KIAA0825: variants seen among roughly 807,000 people sequenced by gnomAD.
The protein encoded by KIAA0825 is uncharacterized protein KIAA0825.
A neutral mutation model predicts 147.6 loss-of-function variants in KIAA0825; 119 were observed. That is an observed-to-expected ratio of 0.81 (90% CI 0.69 to 0.94). The LOEUF (loss-of-function observed/expected upper bound fraction) is 0.94, where lower values mean the gene tolerates loss of function less well. KIAA0825 is among the 40% of genes least tolerant of loss of function. The probability of loss-of-function intolerance (pLI) is 0.00; values close to 1 mark genes in which losing one functional copy is unlikely to be tolerated. For missense variants in KIAA0825, 1,381 were observed against 1,472.7 expected (o/e 0.94, Z 1.02); for synonymous variants, 470 against 518.1 (o/e 0.91, Z 1.26).
chr5:94,439,051 TG>T (rs1412819419), intron 14 of KIAA0825, among the ~76,000 whole-genome samples: 1 of 152,042 alleles, frequency 6.6e-6, no homozygotes, highest in Non-Finnish European at 1.5e-5. Context: ...GAAAGATAGG[TG>T]AGCCAAGGTG....
Position 94,470,050 on chromosome 5 carries a change from C to A in KIAA0825, c.1783G>T (p.Val595Phe). Reference sequence around the variant, plus strand: ...CAAACTCTGACGCAGTAGTTCGTAACCTGAAACTGTAGAGTGTTGATGAAT... The same window carrying A: ...CAAACTCTGACGCAGTAGTTCGTAAACTGAAACTGTAGAGTGTTGATGAAT... ...QEFINTLQFQ[V>F]TNYCVRVCAT... Residue 595 changes from valine to phenylalanine, a missense_variant, in exon 10 of 21, where the codon GTT becomes TTT. By Grantham distance (50) the Val-to-Phe change is conservative. Transcript: ENST00000682413. 1 of 1,551,638 alleles carries A rather than the reference C, an allele frequency of 6.4e-7. No individual in the cohort carries two copies. Among genetic ancestry groups the A allele is most frequent in the Non-Finnish European group, 8.7e-7 (1 of 1,146,962 alleles).
rs1176429699 is a variant in KIAA0825 at position 94,565,095 on chromosome 5, C to CTTTTTTTTTTTTTTTTTTTTTTTTTTTTT, written c.-2+17337_-2+17338insAAAAAAAAAAAAAAAAAAAAAAAAAAAAA. Among the ~76,000 whole-genome samples, 17 of 52,924 alleles carry CTTTTTTTTTTTTTTTTTTTTTTTTTTTTT rather than the reference C, an allele frequency of 3.2e-4. 2 individuals carry two copies. Among genetic ancestry groups the CTTTTTTTTTTTTTTTTTTTTTTTTTTTTT allele is most frequent in the South Asian group, 6.4e-4 (1 of 1,566 alleles). 34.7% of individuals were successfully genotyped at this position (52,924 alleles called of 152,430 possible). On this transcript the variant is annotated intron_variant, in intron 2 of 20. Coordinates refer to ENST00000682413, the MANE Select transcript of KIAA0825 (RefSeq NM_001145678.3). ...CTCTTTCTCTCTCTTTCTTGCTTTC[C>CTTTTTTTTTTTTTTTTTTTTTTTTTTTTT]TTTTTTTTTTTTTTTTTTGGTAGAG...
At chr5:94,573,830 T>C (rs1780440894) in intron 2 of KIAA0825, among the ~76,000 whole-genome samples, 1 of 152,208 alleles carries the variant, frequency 6.6e-6, no homozygotes, top group South Asian at 2.1e-4. Flanking sequence ...TTTCTTTTCT[T>C]GTAATGTTAT....
intron 1 of KIAA0825, among the ~76,000 whole-genome samples, chr5:94,596,554 T>C (rs990670449): frequency 3.9e-5 from 6 of 152,218 alleles, no homozygotes; most frequent in African/African-American, 1.4e-4. Context: ...TTGCCTTGGC[T>C]ATTTGGGCTC....
intron 10 of KIAA0825, 61 bp from the exon 11 acceptor site, chr5:94,465,120 C>G (rs1406641708): frequency 1.4e-6 from 2 of 1,457,102 alleles, no homozygotes; most frequent in Non-Finnish European, 1.9e-6. Context: ...CGATTTGCTT[C>G]CTATGAACGT....
At chr5:94,197,071 T>C (rs1260494659) in intron 20 of KIAA0825, among the ~76,000 whole-genome samples, 1 of 152,234 alleles carries the variant, frequency 6.6e-6, no homozygotes, top group Non-Finnish European at 1.5e-5. Flanking sequence ...CTGAACTAAT[T>C]TACATCCCCA....
At chr5:94,177,946 CAAAT>C (rs1331244708) in intron 20 of KIAA0825, among the ~76,000 whole-genome samples, 3 of 151,936 alleles carry the variant, frequency 2.0e-5, no homozygotes, top group African/African-American at 4.8e-5. Flanking sequence ...GACAAGTAAT[CAAAT>C]GAATGAATTA....
At chr5:94,412,493 T>A (rs1752894286) in intron 15 of KIAA0825, among the ~76,000 whole-genome samples, 1 of 151,874 alleles carries the variant, frequency 6.6e-6, no homozygotes, top group Admixed American at 6.6e-5. Context: ...CTCCACCTCC[T>A]GGGTTCAAGT....
intron 3 of KIAA0825, among the ~76,000 whole-genome samples, chr5:94,532,019 C>T (rs1408833655): frequency 6.6e-6 from 1 of 151,932 alleles, no homozygotes; most frequent in African/African-American, 2.4e-5. Context: ...TATGGAAGCT[C>T]AAAAAATTTA....
At chr5:94,456,326 A>G (rs1759105787) in intron 12 of KIAA0825, among the ~76,000 whole-genome samples, 1 of 152,140 alleles carries the variant, frequency 6.6e-6, no homozygotes, top group South Asian at 2.1e-4. Flanking sequence ...GTAGCTCCAT[A>G]GATTGCTCTA....
intron 20 of KIAA0825, among the ~76,000 whole-genome samples, chr5:94,304,413 G>T (rs527481834): frequency 2.6e-5 from 4 of 152,004 alleles, no homozygotes; most frequent in Non-Finnish European, 4.4e-5. Context: ...CGGCAGGTGA[G>T]GGGGGGTGAC....
rs1562283972 is a variant in KIAA0825 at position 94,152,845 on chromosome 5, AAAAAAAAAAATTATATATATAT to A, written c.*1140_*1161del. 9.0e-4 allele frequency: 32 copies of A among 35,398 alleles called. No individual in the cohort carries two copies. Among genetic ancestry groups the A allele is most frequent in the African/African-American group, 2.7e-3 (27 of 9,888 alleles). The allele number at this position is 35,398 out of a possible 1,614,324, so 2.2% of individuals were successfully genotyped here. ...TGAAAAAAAAAAAAAAAAAAAAAAA[AAAAAAAAAAATTATATATATAT>A]ATATATATATATATATATATATATA... On this transcript the variant is annotated 3_prime_UTR_variant, in exon 21 of 21. Transcript: ENST00000682413.
chr5:94,162,331 A>G (rs1308035963), intron 20 of KIAA0825, among the ~76,000 whole-genome samples: 1 of 151,998 alleles, frequency 6.6e-6, no homozygotes, highest in Non-Finnish European at 1.5e-5. Context: ...TCATGGTCTC[A>G]CTCTGTTGCC....
Position 94,520,689 on chromosome 5 carries a change from G to C in KIAA0825, c.529C>G (p.Gln177Glu), listed in dbSNP as rs75956029. 1 of 1,613,208 alleles carries C rather than the reference G, an allele frequency of 6.2e-7. No individual in the cohort carries two copies. The highest frequency in any genetic ancestry group is 1.7e-5 in the Admixed American group (1 of 59,910). ...GAATTGTTTATTTCATTATGGCTTT[G>C]TAATTTGCTCACTAAGAAGCGTCGA... ...HLRRFLVSKL[Q>E]SHNEINNSQQ... Residue 177 changes from glutamine (Q) to glutamate (E), a missense_variant, in exon 5 of 21, where the codon CAA (glutamine) becomes GAA (glutamate). Transcript: ENST00000682413.
chr5:94,266,928 T>TC (rs1464228241), intron 20 of KIAA0825, among the ~76,000 whole-genome samples: 1 of 152,164 alleles, frequency 6.6e-6, no homozygotes, highest in Non-Finnish European at 1.5e-5. Flanking sequence ...CCTTAGTCCT[T>TC]AGGGCCAAAA....
chr5:94,498,997 T>C (rs1251762162), intron 5 of KIAA0825, among the ~76,000 whole-genome samples: 1 of 152,236 alleles, frequency 6.6e-6, no homozygotes, highest in Non-Finnish European at 1.5e-5. Flanking sequence ...CCATATTGCT[T>C]TGTGGGTTCA....
chr5:94,470,821 G>T (rs1761125890), intron 9 of KIAA0825, among the ~76,000 whole-genome samples: 1 of 152,020 alleles, frequency 6.6e-6, no homozygotes, highest in African/African-American at 2.4e-5. Flanking sequence ...GGTCACACAG[G>T]ACTGCTAAGT....
chr5:94,471,753 A>C, intron 8 of KIAA0825, 22 bp from the exon 9 acceptor site: 1 of 1,550,554 alleles, frequency 6.4e-7, no homozygotes. Context: ...TAAATGTGGC[A>C]CTGAGTTATT....
intron 20 of KIAA0825, among the ~76,000 whole-genome samples, chr5:94,373,639 G>A (rs1009050353): frequency 6.6e-6 from 1 of 151,988 alleles, no homozygotes; most frequent in Admixed American, 6.6e-5. Flanking sequence ...AGAATAGCAT[G>A]GGGGAAACCG....
Sources: gnomAD v4.1 joint callset for allele counts (sites outside exome capture counted in the v4.1 genomes callset) on GRCh38, gnomAD v4.1.1 for gene constraint, MANE v1.5 for transcripts, NCBI Gene and HGNC (gene_info 2026-07-23, HGNC 2026-07-21) for gene names.